The following NEO1 variants were observed in gnomAD, a reference collection of about 807,000 sequenced individuals.
NEO1 encodes neogenin 1.
Under a neutral mutation model 159.7 loss-of-function variants are expected in NEO1, and 63 were observed. The observed-to-expected ratio is 0.39, with a 90% confidence interval of 0.32 to 0.49. NEO1 has a LOEUF of 0.49. Ranked by LOEUF, NEO1 falls within the 20% of genes least tolerant of loss-of-function variation. The pLI is 0.85. For synonymous variants in NEO1, 633 were observed against 662.0 expected, an observed-to-expected ratio of 0.96 and a Z score of 0.67; for missense variants, 1,615 against 1,831.0, an observed-to-expected ratio of 0.88 and a Z score of 2.15.
intron 5 of NEO1, among the ~76,000 whole-genome samples, chr15:73,171,877 G>C (rs1316997825): frequency 6.6e-6 from 1 of 151,944 alleles, no homozygotes; most frequent in Non-Finnish European, 1.5e-5. Flanking sequence ...CCTGACCTCA[G>C]GTGATCACCT....
chr15:73,126,455 C>T lies in NEO1; in HGVS notation c.763C>T (p.Pro255Ser). Residue 255 changes from proline to serine, a missense_variant, in exon 4 of 29, where the codon CCT (proline) becomes TCT (serine). Around this residue, in one of 3 missense-constraint regions of NEO1, gnomAD observed 1,018 missense variants for 1,115.4 expected, o/e 0.91. Transcript: ENST00000261908. ...ATCAGACTTGGTATTTTTGAAACAG[C>T]CTTCTCCCTTAGTCAGAGTCATTGG... is the stretch of plus-strand genomic sequence containing the variant. ...VISDLVFLKQ[P>S]SPLVRVIGQD... 6.2e-7 allele frequency: 1 copy of T among 1,610,256 alleles called. No homozygotes were observed. The highest frequency in any genetic ancestry group is 8.5e-7 in the Non-Finnish European group (1 of 1,178,576).
chr15:73,189,446 T>G (rs1287374081), intron 7 of NEO1, among the ~76,000 whole-genome samples: 1 of 152,256 alleles, frequency 6.6e-6, no homozygotes, highest in Non-Finnish European at 1.5e-5. Flanking sequence ...AAGGATCCAC[T>G]GTAGTCTGTC....
chr15:73,151,927 G>C (rs2033403546), intron 5 of NEO1, among the ~76,000 whole-genome samples: 1 of 152,138 alleles, frequency 6.6e-6, no homozygotes, highest in African/African-American at 2.4e-5. Context: ...TTTATAAATG[G>C]ATTCTAAATA....
upstream of NEO1, chr15:73,051,980 G>C (rs1178725684): frequency 2.0e-5 from 3 of 152,150 alleles, no homozygotes; most frequent in African/African-American, 7.2e-5. Context: ...TGCAGCCAGA[G>C]GCATCTGGGG....
intron 7 of NEO1, among the ~76,000 whole-genome samples, chr15:73,228,825 GAA>G (rs2038743828): frequency 6.6e-6 from 1 of 152,080 alleles, no homozygotes; most frequent in Non-Finnish European, 1.5e-5. Flanking sequence ...ACCAGTTGTT[GAA>G]AAGACTGTTC....
intron 9 of NEO1, among the ~76,000 whole-genome samples, chr15:73,246,808 C>G (rs1016861498): frequency 3.9e-5 from 6 of 152,176 alleles, no homozygotes; most frequent in East Asian, 3.8e-4. Context: ...ATTGTCATTT[C>G]AGAGCTCATA....
At chr15:73,176,357 C>G (rs375725485) in intron 5 of NEO1, 46 bp from the exon 6 acceptor site, 1 of 1,255,656 alleles carries the variant, frequency 8.0e-7, no homozygotes, top group African/African-American at 1.5e-5. Context: ...GAATAGCTGC[C>G]TAGTTCTATT....
chr15:73,258,936 C>A, intron 14 of NEO1, 60 bp downstream of exon 14: 2 of 1,430,510 alleles, frequency 1.4e-6, no homozygotes, highest in South Asian at 2.3e-5. Context: ...TCAAATGAGT[C>A]AAACTGGAAA....
At chr15:73,066,320 C>CTTTTTTT (rs35179965) in intron 1 of NEO1, among the ~76,000 whole-genome samples, 1 of 110,228 alleles carries the variant, frequency 9.1e-6, no homozygotes, top group Admixed American at 9.3e-5. Flanking sequence ...CACCTGGCCT[C>CTTTTTTT]TTTTTTTTTT....
At chr15:73,172,895 C>T (rs2035056258) in intron 5 of NEO1, among the ~76,000 whole-genome samples, 1 of 152,098 alleles carries the variant, frequency 6.6e-6, no homozygotes, top group Non-Finnish European at 1.5e-5. Context: ...AAAACTGTCC[C>T]ATTTGGGGAT....
At chr15:73,244,299 G>A (rs2039641210) in intron 8 of NEO1, 45 bp from the exon 9 acceptor site, 1 of 1,571,634 alleles carries the variant, frequency 6.4e-7, no homozygotes, top group Non-Finnish European at 8.6e-7. Context: ...CATTCTGGAA[G>A]TATTCCTAAT....
At chr15:73,167,882 G>A (rs78413866) in intron 5 of NEO1, among the ~76,000 whole-genome samples, 1 of 152,130 alleles carries the variant, frequency 6.6e-6, no homozygotes, top group African/African-American at 2.4e-5. Context: ...GTAAACATGA[G>A]CACAAATGTT....
intron 7 of NEO1, among the ~76,000 whole-genome samples, chr15:73,187,946 G>A (rs1382415567): frequency 6.6e-6 from 1 of 152,158 alleles, no homozygotes; most frequent in Admixed American, 6.5e-5. Context: ...AATGGAAAGA[G>A]GCTCAAGGTG....
chr15:73,213,694 C>A (rs935829074), intron 7 of NEO1, among the ~76,000 whole-genome samples: 1 of 152,076 alleles, frequency 6.6e-6, no homozygotes, highest in African/African-American at 2.4e-5. Flanking sequence ...GTTGGTTCCA[C>A]GATTTTACAG....
chr15:73,222,076 CTCCCCCTGTTGGTAATTTTTTT>C (rs2038312554), intron 7 of NEO1: 1 of 151,810 alleles, frequency 6.6e-6, no homozygotes, highest in African/African-American at 2.5e-5. Flanking sequence ...ATCTTCACTC[CTCCCCCTGTTGGTAATTTTTTT>C]TTTTTTTTTT....
At chr15:73,069,311 G>A (rs867130523) in intron 1 of NEO1, among the ~76,000 whole-genome samples, 99 of 151,900 alleles carry the variant, frequency 6.5e-4, no homozygotes, top group African/African-American at 2.3e-3. Flanking sequence ...TGCCAGCTGC[G>A]TTTTGGGGCA....
At chr15:73,152,867 GA>G (rs369462192) in intron 5 of NEO1, among the ~76,000 whole-genome samples, 17 of 151,950 alleles carry the variant, frequency 1.1e-4, no homozygotes, top group South Asian at 4.2e-4. Context: ...TGTGAGAGTA[GA>G]AAAAAAATGC....
chr15:73,209,661 C>G (rs1306253523), intron 7 of NEO1, among the ~76,000 whole-genome samples: 1 of 152,132 alleles, frequency 6.6e-6, no homozygotes, highest in Admixed American at 6.5e-5. Flanking sequence ...GGTAGACACA[C>G]CATTAGCAAT....
At chr15:73,130,316 C>CCT (rs1555433354) in intron 4 of NEO1, among the ~76,000 whole-genome samples, 2 of 150,278 alleles carry the variant, frequency 1.3e-5, no homozygotes, top group Admixed American at 6.6e-5. Context: ...CCGCCCCCCC[C>CCT]GCCGCATAAG....
Sources: gnomAD v4.1 joint callset for allele counts (sites outside exome capture counted in the v4.1 genomes callset) on GRCh38, gnomAD v4.1.1 for gene constraint, gnomAD v4.1.1 regional missense constraint, MANE v1.5 for transcripts, NCBI Gene and HGNC (gene_info 2026-07-23, HGNC 2026-07-21) for gene names.